Variants in PITPNC1 observed in about 807,000 individuals in gnomAD.
PITPNC1 encodes phosphatidylinositol transfer protein cytoplasmic 1.
In PITPNC1, 18 loss-of-function variants were observed where a neutral mutation model predicts 44.7. The observed-to-expected ratio is 0.40, with a 90% confidence interval of 0.28 to 0.60. The LOEUF (loss-of-function observed/expected upper bound fraction) is 0.60. Ranked by LOEUF, PITPNC1 falls within the 20% of genes least tolerant of loss-of-function variation. The probability of loss-of-function intolerance (pLI) is 0.39; values close to 1 mark genes in which losing one functional copy is unlikely to be tolerated. For synonymous variants in PITPNC1, 141 were observed against 149.6 expected (o/e 0.94, Z 0.42); for missense variants, 290 against 418.4 (o/e 0.69, Z 2.68).
chr17:67,635,540 G>A (rs1253979617), intron 6 of PITPNC1, among the ~76,000 whole-genome samples: 1 of 152,178 alleles, frequency 6.6e-6, no homozygotes. Context: ...AGAGATCTGG[G>A]AGACCAATTT....
chr17:67,636,969 C>T (rs569361068), intron 6 of PITPNC1, among the ~76,000 whole-genome samples: 6 of 152,308 alleles, frequency 3.9e-5, no homozygotes, highest in African/African-American at 1.4e-4. Context: ...ACAGGACTCC[C>T]CCTTTCTGAG....
intron 1 of PITPNC1, among the ~76,000 whole-genome samples, chr17:67,504,022 G>C (rs1324899455): frequency 6.6e-6 from 1 of 152,104 alleles, no homozygotes; most frequent in Non-Finnish European, 1.5e-5. Context: ...TTTGGGGGCT[G>C]GCAGATAGAA....
chr17:67,450,793 A>G (rs2039164344), intron 1 of PITPNC1, among the ~76,000 whole-genome samples: 1 of 152,158 alleles, frequency 6.6e-6, no homozygotes, highest in African/African-American at 2.4e-5. Flanking sequence ...AACCATCATC[A>G]CTGTTCACTT....
intron 5 of PITPNC1, among the ~76,000 whole-genome samples, chr17:67,599,028 ATATATATTT>A (rs1170617394): frequency 3.4e-3 from 110 of 32,586 alleles, no homozygotes; most frequent in African/African-American, 8.1e-3. Context: ...ATATATATAT[ATATATATTT>A]TTTTTTTTTT....
chr17:67,495,400 G>C (rs1475409779), intron 1 of PITPNC1, among the ~76,000 whole-genome samples: 1 of 151,982 alleles, frequency 6.6e-6, no homozygotes, highest in African/African-American at 2.4e-5. Context: ...TTTATTTTAG[G>C]TTCAGGGGTA....
intron 6 of PITPNC1, among the ~76,000 whole-genome samples, chr17:67,660,620 A>C (rs1458512253): frequency 1.3e-5 from 2 of 149,280 alleles, no homozygotes; most frequent in East Asian, 4.0e-4. Flanking sequence ...ATCTCAGCTC[A>C]CGGCAGCCTC....
At chr17:67,460,384 G>A (rs1478982938) in intron 1 of PITPNC1, among the ~76,000 whole-genome samples, 1 of 152,016 alleles carries the variant, frequency 6.6e-6, no homozygotes, top group Non-Finnish European at 1.5e-5. Context: ...TTTCGTGGAT[G>A]GCATTAGCTC....
chr17:67,398,780 A>G (rs1292460665), intron 1 of PITPNC1, among the ~76,000 whole-genome samples: 1 of 151,786 alleles, frequency 6.6e-6, no homozygotes, highest in Non-Finnish European at 1.5e-5. Flanking sequence ...TATAAAATCT[A>G]TTTTTCATTG....
At chr17:67,691,160 T>C (rs2042920512) in intron 8 of PITPNC1, among the ~76,000 whole-genome samples, 1 of 152,000 alleles carries the variant, frequency 6.6e-6, no homozygotes, top group South Asian at 2.1e-4. Context: ...TTTCTGAGCA[T>C]GAGAGAAGAG....
intron 1 of PITPNC1, among the ~76,000 whole-genome samples, chr17:67,479,845 T>C (rs1045654371): frequency 6.6e-6 from 1 of 152,234 alleles, no homozygotes; most frequent in Non-Finnish European, 1.5e-5. Context: ...TTCTGCAATG[T>C]TCATTTCTAT....
Position 67,378,193 on chromosome 17 carries a change from C to A in PITPNC1, c.39C>A (p.Thr13=), listed in dbSNP as rs1167396691. Residue 13 remains threonine (T), a synonymous_variant, in exon 1 of 9, where the codon ACC becomes ACA. Coordinates refer to ENST00000581322, the MANE Select transcript of PITPNC1 (RefSeq NM_012417.4). ...LKEYRICMPL[T]VDEYKIGQLY... The stretch of plus-strand genomic sequence containing the variant: ...AGTACCGGATCTGCATGCCGCTCAC[C>A]GTAGACGAGGTAAGCGCCGCGCCCG... 4 of 1,543,224 alleles carry A rather than the reference C, an allele frequency of 2.6e-6. No homozygotes were observed. Among genetic ancestry groups the A allele is most frequent in the Non-Finnish European group, 2.6e-6 (3 of 1,148,952 alleles).
chr17:67,392,886 A>G (rs2038159655), intron 1 of PITPNC1, among the ~76,000 whole-genome samples: 1 of 152,108 alleles, frequency 6.6e-6, no homozygotes, highest in Non-Finnish European at 1.5e-5. Flanking sequence ...TCGGGAGGCC[A>G]AGGCAGGCGG....
At chr17:67,453,513 A>G (rs1475301586) in intron 1 of PITPNC1, among the ~76,000 whole-genome samples, 1 of 151,800 alleles carries the variant, frequency 6.6e-6, no homozygotes, top group African/African-American at 2.4e-5. Flanking sequence ...ACCGCCTGCC[A>G]CTCCCCTCTG....
chr17:67,550,925 G>A (rs551474444), intron 2 of PITPNC1, among the ~76,000 whole-genome samples: 2 of 152,116 alleles, frequency 1.3e-5, no homozygotes, highest in Non-Finnish European at 2.9e-5. Context: ...GCCGGGCGTG[G>A]TGGCTGGCGC....
chr17:67,408,076 C>T (rs919187781), intron 1 of PITPNC1, among the ~76,000 whole-genome samples: 9 of 151,866 alleles, frequency 5.9e-5, no homozygotes, highest in Non-Finnish European at 1.0e-4. Flanking sequence ...CTGCCTCAGC[C>T]TCCCAGCAGC....
At position 67,580,482 on chromosome 17, in the gene PITPNC1, C is replaced by T. The variant is rs531653582; in HGVS notation, c.366+2225C>T. Among the ~76,000 whole-genome samples, 32 of 152,026 alleles carry T rather than the reference C, an allele frequency of 2.1e-4. 4 individuals are homozygous for T. The highest frequency in any genetic ancestry group is 1.6e-3 in the Admixed American group (24 of 15,246). ...CACCTCAGCCCCCCTACTGGGACTA[C>T]GGCACACACAACCGTGCCCAGCTAA... On this transcript the variant is annotated intron_variant, in intron 5 of 8. Coordinates refer to ENST00000581322, the MANE Select transcript of PITPNC1 (RefSeq NM_012417.4).
chr17:67,632,360 C>T (rs1218159566), intron 6 of PITPNC1, 122 bp downstream of exon 6: 9 of 662,492 alleles, frequency 1.4e-5, no homozygotes, highest in East Asian at 1.1e-4. Flanking sequence ...AATTTGCTTT[C>T]GTATCTTGCT....
At chr17:67,556,468 G>A (rs1209443019) in intron 4 of PITPNC1, among the ~76,000 whole-genome samples, 1 of 152,140 alleles carries the variant, frequency 6.6e-6, no homozygotes, top group Non-Finnish European at 1.5e-5. Flanking sequence ...ATTTTGTCTG[G>A]CAAATTTATG....
intron 6 of PITPNC1, among the ~76,000 whole-genome samples, chr17:67,655,402 C>CA (rs1018521683): frequency 3.3e-5 from 5 of 151,246 alleles, no homozygotes; most frequent in East Asian, 2.0e-4. Flanking sequence ...ACTAAAAACA[C>CA]AAAAAAAATT....
Sources: gnomAD v4.1 joint callset for allele counts (sites outside exome capture counted in the v4.1 genomes callset) on GRCh38, gnomAD v4.1.1 for gene constraint, MANE v1.5 for transcripts, NCBI Gene and HGNC (gene_info 2026-07-23, HGNC 2026-07-21) for gene names.